ERG: variants seen among roughly 807,000 people sequenced by gnomAD.
The protein encoded by ERG is transcriptional regulator ERG.
A neutral mutation model predicts 55.3 loss-of-function variants in ERG; 9 were observed. That is an observed-to-expected ratio of 0.16 (90% CI 0.10 to 0.28). ERG has a LOEUF of 0.28. Ranked by LOEUF, ERG falls within the 10% of genes least tolerant of loss-of-function variation. The pLI is 1.00. For synonymous variants in ERG, 223 were observed against 237.3 expected (o/e 0.94, Z 0.55); for missense variants, 434 against 631.6 (o/e 0.69, Z 3.35).
intron 1 of ERG, among the ~76,000 whole-genome samples, chr21:38,469,671 A>C (rs141249975): frequency 4.1e-4 from 63 of 152,358 alleles, no homozygotes; most frequent in African/African-American, 1.5e-3. Flanking sequence ...AAGTAAAAAA[A>C]CAAAAAACCC....
At chr21:38,531,791 G>T (rs923255955) in intron 2 of ERG, among the ~76,000 whole-genome samples, 2 of 152,168 alleles carry the variant, frequency 1.3e-5, no homozygotes, top group African/African-American at 4.8e-5. Flanking sequence ...GTCAAGCGCT[G>T]CTGTGAGTGA....
upstream of ERG, among the ~76,000 whole-genome samples, chr21:38,501,907 A>G (rs2059424228): frequency 6.6e-6 from 1 of 152,254 alleles, no homozygotes; most frequent in Admixed American, 6.5e-5. Flanking sequence ...TCACTGTCAC[A>G]ATAAAAGAAA....
At chr21:38,547,711 T>A (rs1019297521) in intron 2 of ERG, among the ~76,000 whole-genome samples, 1 of 152,190 alleles carries the variant, frequency 6.6e-6, no homozygotes, top group Non-Finnish European at 1.5e-5. Context: ...TAACCACATA[T>A]AGGTATGAAA....
At chr21:38,371,813 T>C in the ERG span, among the ~76,000 whole-genome samples, 3 of 152,052 alleles carry the variant, frequency 2.0e-5, no homozygotes, top group African/African-American at 7.2e-5. Flanking sequence ...TAATTGGCCT[T>C]TTTTTGTACT....
At chr21:38,521,810 A>G (rs1421554027) in intron 2 of ERG, among the ~76,000 whole-genome samples, 1 of 152,212 alleles carries the variant, frequency 6.6e-6, no homozygotes, top group Non-Finnish European at 1.5e-5. Flanking sequence ...AATTAAGATC[A>G]CCGTAAGTTT....
intron 2 of ERG, among the ~76,000 whole-genome samples, chr21:38,525,813 A>C (rs1348179121): frequency 6.6e-6 from 1 of 152,130 alleles, no homozygotes; most frequent in Non-Finnish European, 1.5e-5. Flanking sequence ...TCTACCAACC[A>C]CACCTTCGGT....
chr21:38,572,500 T>C (rs1342731959), intron 2 of ERG, among the ~76,000 whole-genome samples: 1 of 152,140 alleles, frequency 6.6e-6, no homozygotes, highest in Non-Finnish European at 1.5e-5. Flanking sequence ...AATGAATCAG[T>C]GGAAGAAAAT....
intron 3 of ERG, among the ~76,000 whole-genome samples, chr21:38,410,538 T>C (rs1021082083): frequency 5.3e-5 from 8 of 152,334 alleles, no homozygotes; most frequent in Admixed American, 1.3e-4. Context: ...GGAGTTGTAC[T>C]GTTAATGTAC....
At position 38,573,568 on chromosome 21, in the gene ERG, G is replaced by C. The variant is rs1341980701; in HGVS notation, c.-41+2094C>G. Among the ~76,000 whole-genome samples the C allele has an allele frequency of 3.3e-5, 5 of 152,296 alleles. No homozygotes were observed. In the South Asian group the frequency reaches 6.2e-4, roughly 19 times the overall value. ...TACATCTGGCCTATGTGCACATCCA[G>C]GCATAGTACCTTCCCTTGAACTTAA... On this transcript the variant is annotated intron_variant, in intron 2 of 8. Transcript: ENST00000398897.
chr21:38,388,020 C>T (rs976500050), intron 9 of ERG, among the ~76,000 whole-genome samples: 2 of 152,358 alleles, frequency 1.3e-5, no homozygotes, highest in East Asian at 3.9e-4. Context: ...CAGGTCCTTT[C>T]CATGTTGTCC....
At chr21:38,597,548 C>T (rs985095689) in intron 1 of ERG, among the ~76,000 whole-genome samples, 10 of 151,892 alleles carry the variant, frequency 6.6e-5, no homozygotes, top group African/African-American at 1.9e-4. Flanking sequence ...TACATCCATC[C>T]TGTTGGATCT....
intron 2 of ERG, among the ~76,000 whole-genome samples, chr21:38,434,199 T>G (rs1601397124): frequency 6.6e-6 from 1 of 152,312 alleles, no homozygotes; most frequent in South Asian, 2.1e-4. Context: ...CTGCCCCAGG[T>G]ACTGGAGTTA....
chr21:38,372,585 C>T, the ERG span, among the ~76,000 whole-genome samples: 14 of 151,442 alleles, frequency 9.2e-5, no homozygotes, highest in South Asian at 2.1e-4. Context: ...TTTTTTGAAA[C>T]GTTAGTATAT....
At chr21:38,458,423 C>CAAAA (rs35307490) in intron 1 of ERG, among the ~76,000 whole-genome samples, 11 of 83,700 alleles carry the variant, frequency 1.3e-4, no homozygotes, top group East Asian at 2.9e-4. Flanking sequence ...GACTCTGGCT[C>CAAAA]AAAAAAAAAA....
chr21:38,556,810 C>T (rs768819368), intron 2 of ERG, among the ~76,000 whole-genome samples: 11 of 152,218 alleles, frequency 7.2e-5, no homozygotes, highest in East Asian at 5.8e-4. Flanking sequence ...GGAGACCCAC[C>T]GCACCCAGAC....
intron 2 of ERG, among the ~76,000 whole-genome samples, chr21:38,565,723 C>T (rs117642503): frequency 0.015 from 2,216 of 152,314 alleles, 26 homozygotes; most frequent in Middle Eastern, 0.054. Context: ...TCTACCTCTC[C>T]CTTCCTCAGT....
At chr21:38,627,947 T>TTTTC (rs1226462548) in intron 1 of ERG, among the ~76,000 whole-genome samples, 1 of 151,542 alleles carries the variant, frequency 6.6e-6, no homozygotes, top group Non-Finnish European at 1.5e-5. Context: ...TCTCTTCTTT[T>TTTTC]TTTTTTTTTT....
At chr21:38,587,939 G>A (rs895712189), upstream of ERG, among the ~76,000 whole-genome samples, 9 of 152,178 alleles carry the variant, frequency 5.9e-5, no homozygotes, top group African/African-American at 2.2e-4. Context: ...GCCCAGAGAG[G>A]ATTCTCTTAA....
At chr21:38,487,446 C>T (rs1418091273) in intron 1 of ERG, among the ~76,000 whole-genome samples, 1 of 152,028 alleles carries the variant, frequency 6.6e-6, no homozygotes, top group Admixed American at 6.6e-5. Flanking sequence ...CCTGTATTTG[C>T]TACAGGCTAA....
Sources: gnomAD v4.1 joint callset for allele counts (sites outside exome capture counted in the v4.1 genomes callset) on GRCh38, gnomAD v4.1.1 for gene constraint, MANE v1.5 for transcripts, NCBI Gene and HGNC (gene_info 2026-07-23, HGNC 2026-07-21) for gene names.